PGGT1B: variants seen among roughly 807,000 people sequenced by gnomAD.
PGGT1B encodes geranylgeranyl transferase type-1 subunit beta.
A neutral mutation model predicts 46.1 loss-of-function variants in PGGT1B; 30 were observed. That is an observed-to-expected ratio of 0.65 (90% CI 0.49 to 0.88). The LOEUF is 0.88. PGGT1B is among the 40% of genes least tolerant of loss of function. The pLI is 0.00. For synonymous variants in PGGT1B, 170 were observed against 160.0 expected (o/e 1.06, Z -0.47); for missense variants, 376 against 455.9 (o/e 0.82, Z 1.60).
chr5:115,240,390 C>T (rs889229133), intron 3 of PGGT1B, among the ~76,000 whole-genome samples: 8 of 152,102 alleles, frequency 5.3e-5, no homozygotes, highest in South Asian at 2.1e-4. Context: ...TACTATATAA[C>T]GGTCATCATA....
intron 6 of PGGT1B, among the ~76,000 whole-genome samples, chr5:115,223,414 G>A (rs1756648898): frequency 6.6e-6 from 1 of 152,026 alleles, no homozygotes; most frequent in Admixed American, 6.6e-5. Context: ...CATTATAAGA[G>A]GAGAGAAGGA....
chr5:115,225,879 C>T (rs1436676226), intron 6 of PGGT1B, among the ~76,000 whole-genome samples: 2 of 151,950 alleles, frequency 1.3e-5, no homozygotes, highest in African/African-American at 2.4e-5. Context: ...GAACTCCTGA[C>T]CTCAAGTGAT....
At chr5:115,259,265 G>A (rs1020003039) in intron 1 of PGGT1B, among the ~76,000 whole-genome samples, 3 of 152,102 alleles carry the variant, frequency 2.0e-5, no homozygotes, top group African/African-American at 7.2e-5. Flanking sequence ...AGACTCCCAA[G>A]GCCCACACAG....
At position 115,207,963 on chromosome 5, in the gene PGGT1B, A is replaced by G. The variant is rs1487960681; in HGVS notation, c.*4439T>C. 1 of 152,096 alleles carries G rather than the reference A, an allele frequency of 6.6e-6. No homozygotes were observed. The highest frequency in any genetic ancestry group is 1.5e-5 in the Non-Finnish European group (1 of 67,960). The allele number at this position is 152,096 out of a possible 1,614,324, so 9.4% of individuals were successfully genotyped here. On this transcript the variant is annotated 3_prime_UTR_variant, in exon 9 of 9. Coordinates refer to ENST00000419445, the MANE Select transcript of PGGT1B (RefSeq NM_005023.4). ...TATAGTTAACATAAGTGAGTGCTCA[A>G]TTCTATCATGTCTTTTCTGCAAAGA...
chr5:115,256,206 G>C (rs1045308483), intron 1 of PGGT1B, among the ~76,000 whole-genome samples: 12 of 152,262 alleles, frequency 7.9e-5, no homozygotes, highest in African/African-American at 2.9e-4. Flanking sequence ...GTGGGTAAAA[G>C]CCACGGCTGC....
intron 7 of PGGT1B, among the ~76,000 whole-genome samples, chr5:115,217,909 T>C (rs1756469957): frequency 6.6e-6 from 1 of 152,012 alleles, no homozygotes; most frequent in Non-Finnish European, 1.5e-5. Flanking sequence ...ACACTGCACT[T>C]GGCTTAGCAA....
At position 115,206,275 on chromosome 5, in the gene PGGT1B, G is replaced by A. The variant is rs981795881; in HGVS notation, c.*6127C>T. ...TATGCAACAGTGGTGTTTACCTCCA[G>A]GAAGTATAGGCTGTGGGTATAGTAT... On this transcript the variant is annotated 3_prime_UTR_variant, in exon 9 of 9. Transcript: ENST00000419445. The A allele has an allele frequency of 6.6e-6, 1 of 151,860 alleles. No homozygotes were observed. The allele number at this position is 151,860 out of a possible 1,614,324, so 9.4% of individuals were successfully genotyped here.
chr5:115,213,433 T>C (rs758086389), intron 8 of PGGT1B, among the ~76,000 whole-genome samples: 8 of 152,202 alleles, frequency 5.3e-5, no homozygotes, highest in Non-Finnish European at 1.2e-4. Context: ...AAAATTTTTT[T>C]CTATTTTTGA....
intron 5 of PGGT1B, among the ~76,000 whole-genome samples, chr5:115,234,604 C>G (rs911007478): frequency 5.3e-5 from 8 of 151,870 alleles, no homozygotes; most frequent in African/African-American, 1.9e-4. Context: ...GATAACATAA[C>G]CATATTAAAG....
In PGGT1B at chr5:115,221,914, C is replaced by A; in HGVS notation, c.753G>T (p.Trp251Cys). The change falls in exon 7 of 9, where the codon TGG (tryptophan) becomes TGT (cysteine). Residue 251 changes from tryptophan (W) to cysteine (C), a missense_variant. Coordinates refer to ENST00000419445, the MANE Select transcript of PGGT1B (RefSeq NM_005023.4). ...SEKELNRIKR[W>C]CIMRQQNGYH... ...AACCATTTTGTTGCCTCATTATACA[C>A]CACCTCTTTATCCTGTTCAATTCTT... 2 of 1,609,504 alleles carry A rather than the reference C, an allele frequency of 1.2e-6. No individual in the cohort carries two copies. Among genetic ancestry groups the A allele is most frequent in the East Asian group, 4.5e-5 (2 of 44,652 alleles).
chr5:115,262,558 G>C (rs1370465304), intron 1 of PGGT1B, 154 bp downstream of exon 1: 3 of 773,392 alleles, frequency 3.9e-6, no homozygotes, highest in African/African-American at 1.8e-5. Flanking sequence ...CGGCGGGAGA[G>C]TGGGGGTAAC....
Position 115,226,886 on chromosome 5 carries a change from C to T in PGGT1B, c.658+4090G>A, listed in dbSNP as rs114123333. On this transcript the variant is annotated intron_variant, in intron 6 of 8. Coordinates refer to ENST00000419445, the MANE Select transcript of PGGT1B (RefSeq NM_005023.4). ...TATAGAGAAGGTGACACTTGAACCC[C>T]TGGAAACAGGTATAGAAAGATAGAT... Among the ~76,000 whole-genome samples the T allele has an allele frequency of 8.9e-3, 1,352 of 151,892 alleles. 25 individuals carry two copies. The highest frequency in any genetic ancestry group is 0.031 in the African/African-American group (1,289 of 41,420).
rs1363983481 is a variant in PGGT1B, at chr5:115,212,024, C to G, written c.*378G>C. ...TTTTTAAATGATCACTAAGTGTTCA[C>G]CTGAAGATTATCAATGCTATATGAA... On this transcript the variant is annotated 3_prime_UTR_variant, in exon 9 of 9. Coordinates refer to ENST00000419445, the MANE Select transcript of PGGT1B (RefSeq NM_005023.4). 1 of 166,250 alleles carries G rather than the reference C, an allele frequency of 6.0e-6. No individual in the cohort carries two copies. The highest frequency in any genetic ancestry group is 1.3e-5 in the Non-Finnish European group (1 of 76,552). The allele number at this position is 166,250 out of a possible 1,614,324, so 10.3% of individuals were successfully genotyped here. A position where few individuals can be genotyped will look rare whatever the true frequency, so the allele number is the denominator to read the frequency against.
At chr5:115,225,930 G>A (rs1352556687) in intron 6 of PGGT1B, among the ~76,000 whole-genome samples, 1 of 152,002 alleles carries the variant, frequency 6.6e-6, no homozygotes, top group East Asian at 1.9e-4. Flanking sequence ...ATTATAGGCA[G>A]AGCCACCATG....
In PGGT1B at chr5:115,260,058, T is replaced by A. The variant is rs967430655; in HGVS notation, c.140+2654A>T. On this transcript the variant is annotated intron_variant, in intron 1 of 8. Transcript: ENST00000419445. ...AAAGCTCCCAACCCAAGATTTAATA[T>A]TCACTTGGATTATAAACTAGTAACT... Among the ~76,000 whole-genome samples the A allele has an allele frequency of 7.9e-5, 12 of 152,286 alleles. No homozygotes were observed. In the East Asian group the frequency reaches 2.3e-3, roughly 29 times the overall value.
intron 3 of PGGT1B, among the ~76,000 whole-genome samples, chr5:115,239,313 G>T (rs55952947): frequency 1.3e-5 from 2 of 152,008 alleles, no homozygotes; most frequent in Admixed American, 1.3e-4. Flanking sequence ...CAAAGTGCTG[G>T]GATTGCAGGT....
intron 1 of PGGT1B, among the ~76,000 whole-genome samples, chr5:115,254,150 CCT>C (rs1192825042): frequency 6.6e-6 from 1 of 151,964 alleles, no homozygotes; most frequent in African/African-American, 2.4e-5. Flanking sequence ...AATAGTTAAG[CCT>C]TAATGTCCTG....
intron 6 of PGGT1B, among the ~76,000 whole-genome samples, chr5:115,225,679 T>C (rs1219757181): frequency 6.6e-6 from 1 of 151,308 alleles, no homozygotes; most frequent in Non-Finnish European, 1.5e-5. Context: ...ACAGTCTTGC[T>C]CTGTCACCCA....
chr5:115,212,456 G>A lies in PGGT1B; in HGVS notation c.1080C>T (p.Ser360=). ...ATTGTTTAGAGTCCTTGGTTTTCCA[G>A]CTTTGATGGAGATCTAGAAGGCGTT... The part of the protein sequence containing the change: ...TSERLLDLHQ[S]WKTKDSKQCS... The change falls in exon 9 of 9, where the codon AGC becomes AGT. Residue 360 remains serine, a synonymous_variant. Transcript: ENST00000419445. 1.2e-6 allele frequency: 2 copies of A among 1,602,230 alleles called. No individual in the cohort carries two copies. Among genetic ancestry groups the A allele is most frequent in the Non-Finnish European group, 1.7e-6 (2 of 1,172,404 alleles).
Sources: allele counts gnomAD v4.1 joint callset (sites outside exome capture counted in the v4.1 genomes callset), GRCh38; gene constraint gnomAD v4.1.1; transcripts MANE v1.5; gene names NCBI Gene and HGNC (gene_info 2026-07-23, HGNC 2026-07-21).